Variants in COMT observed in about 807,000 individuals in gnomAD.
COMT encodes the protein catechol-O-methyltransferase.
In COMT, 13 loss-of-function variants were observed where a neutral mutation model predicts 18.9. The ratio of observed to expected loss-of-function variants is 0.69; its 90% CI spans 0.45 to 1.09. The LOEUF is 1.09. Among genes scored for constraint, COMT ranks in the 50% least tolerant of loss-of-function variants. COMT has a pLI of 0.00. For missense variants in COMT, 329 were observed against 361.8 expected (o/e 0.91, Z 0.73); for synonymous variants, 150 against 160.9 (o/e 0.93, Z 0.51).
chr22:19,964,024 A>G (rs1942272082), intron 4 of COMT, 144 bp from the exon 5 acceptor site: 1 of 1,537,378 alleles, frequency 6.5e-7, no homozygotes, highest in Non-Finnish European at 9.0e-7. Flanking sequence ...CAGAACCCTA[A>G]AGAAAACTGA....
rs563143124 is a variant in COMT, at chr22:19,952,469, C to G, written c.-91-8730C>G. On this transcript the variant is annotated intron_variant, in intron 1 of 5. Transcript: ENST00000361682. ...CCTGGCTAACATGGTGAAACCCCGT[C>G]TCTACCAAAAACACAAAAAAGTTAG... Among the ~76,000 whole-genome samples, 4 of 152,094 alleles carry G rather than the reference C, an allele frequency of 2.6e-5. 1 individual carries two copies. In the South Asian group the frequency reaches 6.2e-4, roughly 24 times the overall value.
At chr22:19,958,954 C>A (rs1389624096) in intron 1 of COMT, among the ~76,000 whole-genome samples, 1 of 152,114 alleles carries the variant, frequency 6.6e-6, no homozygotes, top group Non-Finnish European at 1.5e-5. Context: ...CCCCTCGGTC[C>A]TCCGGCCTGC....
chr22:19,962,723 A>T lies in COMT; in HGVS notation c.197A>T (p.His66Leu). 6.2e-7 allele frequency: 1 copy of T among 1,613,748 alleles called. No individual in the cohort carries two copies. The highest frequency in any genetic ancestry group is 8.5e-7 in the Non-Finnish European group (1 of 1,179,988). Residue 66 changes from histidine to leucine, a missense_variant, in exon 3 of 6, where the codon CAT becomes CTT. By Grantham distance (99) the His-to-Leu change is moderately conservative. Transcript: ENST00000361682. ...CGCATCCTGAACCACGTGCTGCAGC[A>T]TGCGGAGCCCGGGAACGCACAGAGC... Reference protein sequence around the residue: ...EQRILNHVLQHAEPGNAQSVL... With the variant: ...EQRILNHVLQLAEPGNAQSVL...
intron 1 of COMT, chr22:19,951,778 G>C (rs1188950410): frequency 6.6e-6 from 1 of 152,290 alleles, no homozygotes; most frequent in Non-Finnish European, 1.5e-5. Flanking sequence ...AGTGGAGTGA[G>C]GAAAGTGGAA....
chr22:19,941,792 C>A lies in COMT; in HGVS notation c.-197C>A. The A allele has an allele frequency of 6.5e-7, 1 of 1,534,614 alleles. No individual in the cohort carries two copies. The highest frequency in any genetic ancestry group is 2.6e-5 in the East Asian group (1 of 38,238). On this transcript the variant is annotated 5_prime_UTR_variant, in exon 1 of 6. Transcript: ENST00000361682. ...CTCCTAATCCCCGCAGCGCCACCGCCATTGCCGCCATCGTCGTGGGGCTTC... is the reference window on the plus strand; with the variant it reads ...CTCCTAATCCCCGCAGCGCCACCGCAATTGCCGCCATCGTCGTGGGGCTTC...
intron 5 of COMT, chr22:19,966,917 G>A (rs1942431338): frequency 4.1e-6 from 4 of 983,802 alleles, no homozygotes; most frequent in Non-Finnish European, 4.8e-6. Context: ...CTGCTCCTCT[G>A]ACACTGTCGC....
chr22:19,941,905 C>A lies in COMT; in HGVS notation c.-92+8C>A, dbSNP rs926093240. The A allele has an allele frequency of 1.6e-5, 20 of 1,264,806 alleles. No individual in the cohort carries two copies. The highest frequency in any genetic ancestry group is 3.9e-5 in the Admixed American group (1 of 25,970). 78.3% of individuals were successfully genotyped at this position (1,264,806 alleles called of 1,614,324 possible). ...CGGGCCGTCGCGGGAGAGGTGAGAG[C>A]GCTGGCTAGACCGGGGCCGAATGCG... On this transcript the variant is annotated splice_region_variant and intron_variant, in intron 1 of 5. Transcript: ENST00000361682.
rs55653258 is a variant in COMT at position 19,950,241 on chromosome 22, C to CT, written c.-92+8366dup. On this transcript the variant is annotated intron_variant, in intron 1 of 5. Transcript: ENST00000361682. The stretch of plus-strand genomic sequence containing the variant: ...TATATTTTTTCTTTTCTTTTCTTTT[C>CT]TTTTTTTTTTTTTTTTTTTTTTCTG... 2.5e-3 allele frequency among the ~76,000 whole-genome samples: 218 copies of CT among 87,870 alleles called. 6 individuals are homozygous for CT. The highest frequency in any genetic ancestry group is 0.01 in the Middle Eastern group (1 of 98). 57.6% of individuals were successfully genotyped at this position (87,870 alleles called of 152,430 possible).
Position 19,962,755 on chromosome 22 carries a change from G to A in COMT, c.229G>A (p.Glu77Lys), listed in dbSNP as rs1942226188. 6.2e-7 allele frequency: 1 copy of A among 1,613,288 alleles called. No homozygotes were observed. Among genetic ancestry groups the A allele is most frequent in the Non-Finnish European group, 8.5e-7 (1 of 1,179,574 alleles). ...GCCCGGGAACGCACAGAGCGTGCTG[G>A]AGGCCATTGACACCTACTGCGAGCA... The part of the protein sequence containing the change: ...AEPGNAQSVL[E>K]AIDTYCEQKE... Residue 77 changes from glutamate to lysine, a missense_variant, in exon 3 of 6, where the codon GAG (glutamate) becomes AAG (lysine). By Grantham distance (56) the Glu-to-Lys change is moderately conservative (BLOSUM62 1). Transcript: ENST00000361682.
At chr22:19,966,310 G>T (rs939813221) in intron 5 of COMT, among the ~76,000 whole-genome samples, 1 of 151,930 alleles carries the variant, frequency 6.6e-6, no homozygotes, top group Admixed American at 6.5e-5. Context: ...GGAGGCACGA[G>T]GGGTGAGGGG....
chr22:19,968,666 A>G lies in COMT; in HGVS notation c.746A>G (p.Glu249Gly). The G allele has an allele frequency of 6.2e-7, 1 of 1,614,046 alleles. No homozygotes were observed. Among genetic ancestry groups the G allele is most frequent in the Non-Finnish European group, 8.5e-7 (1 of 1,180,008 alleles). ...FECTHYQSFL[E>G]YREVVDGLEK... ...TGCACACACTACCAATCGTTCCTGG[A>G]ATACAGGGAGGTGGTGGACGGCCTG... is the stretch of plus-strand genomic sequence containing the variant. The change falls in exon 6 of 6, where the codon GAA (glutamate) becomes GGA (glycine). Residue 249 changes from glutamate to glycine, a missense_variant. Transcript: ENST00000361682.
At position 19,968,740 on chromosome 22, in the gene COMT, C is replaced by G. The variant is rs1273016764; in HGVS notation, c.*4C>G. 1 of 1,471,694 alleles carries G rather than the reference C, an allele frequency of 6.8e-7. No homozygotes were observed. The highest frequency in any genetic ancestry group is 2.1e-5 in the Admixed American group (1 of 46,928). The allele number at this position is 1,471,694 out of a possible 1,614,324, so 91.2% of individuals were successfully genotyped here. On this transcript the variant is annotated 3_prime_UTR_variant, in exon 6 of 6. Transcript: ENST00000361682. ...AGGCAGCGAAGCAGGGCCCTGACTGCCCCCCCGGCCCCCCTCTCGGGCTCT... is the reference window on the plus strand; with the variant it reads ...AGGCAGCGAAGCAGGGCCCTGACTGGCCCCCCGGCCCCCCTCTCGGGCTCT...
chr22:19,962,099 A>C, intron 2 of COMT: 1 of 290,044 alleles, frequency 3.4e-6, no homozygotes, highest in East Asian at 8.6e-5. Flanking sequence ...TGCACCATAC[A>C]GCCTCTCCTT....
intron 5 of COMT, chr22:19,967,164 G>T: frequency 7.7e-7 from 1 of 1,303,774 alleles, no homozygotes; most frequent in Non-Finnish European, 1.0e-6. Context: ...ACTCGTGCAG[G>T]TGCAGTGGTC....
chr22:19,943,497 C>G (rs974370960), intron 1 of COMT, among the ~76,000 whole-genome samples: 4 of 152,130 alleles, frequency 2.6e-5, no homozygotes, highest in Admixed American at 6.5e-5. Flanking sequence ...TAAAAATTAG[C>G]CCGGCGTGGT....
At chr22:19,957,948 G>A (rs1412667709) in intron 1 of COMT, among the ~76,000 whole-genome samples, 4 of 152,256 alleles carry the variant, frequency 2.6e-5, no homozygotes, top group Admixed American at 6.5e-5. Flanking sequence ...AGGTGCTAAC[G>A]GATGGAAGGG....
intron 1 of COMT, among the ~76,000 whole-genome samples, chr22:19,955,825 G>T (rs1204460628): frequency 6.6e-6 from 1 of 152,218 alleles, no homozygotes; most frequent in Non-Finnish European, 1.5e-5. Context: ...CCTTTCCGAG[G>T]GTCACTGCAG....
chr22:19,951,364 A>AAC (rs1482898623), intron 1 of COMT: 1 of 151,068 alleles, frequency 6.6e-6, no homozygotes, highest in Non-Finnish European at 1.5e-5. Flanking sequence ...GTCCCAAAAA[A>AAC]AAAAAAAAAA....
intron 1 of COMT, among the ~76,000 whole-genome samples, chr22:19,947,001 C>T (rs1415704900): frequency 4.7e-5 from 7 of 150,016 alleles, no homozygotes; most frequent in Non-Finnish European, 8.9e-5. Context: ...CTGCAACCTC[C>T]GCCTCCTGGG....
Sources: gnomAD v4.1 joint callset for allele counts (sites outside exome capture counted in the v4.1 genomes callset) on GRCh38, gnomAD v4.1.1 for gene constraint, MANE v1.5 for transcripts, NCBI Gene and HGNC (gene_info 2026-07-23, HGNC 2026-07-21) for gene names.